The following RERE variants were observed in gnomAD, a reference collection of about 807,000 sequenced individuals.
The protein encoded by RERE is arginine-glutamic acid dipeptide repeats protein.
RERE carries 40 observed loss-of-function variants against 146.1 expected under a neutral mutation model. The ratio of observed to expected loss-of-function variants is 0.27; its 90% CI spans 0.21 to 0.36. The LOEUF (loss-of-function observed/expected upper bound fraction) is 0.36. RERE is among the 10% of genes least tolerant of loss of function. RERE has a pLI of 1.00. For synonymous variants in RERE, 1,003 were observed against 866.0 expected, an observed-to-expected ratio of 1.16 and a Z score of -2.78; for missense variants, 1,933 against 2,138.7, an observed-to-expected ratio of 0.90 and a Z score of 1.90.
At chr1:8,744,404 T>A (rs1449130208) in intron 1 of RERE, among the ~76,000 whole-genome samples, 5 of 152,250 alleles carry the variant, frequency 3.3e-5, no homozygotes, top group Non-Finnish European at 5.9e-5. Context: ...GAATTCCGTT[T>A]CACCTTTGTT....
In RERE at chr1:8,689,105, G is replaced by C. The variant is rs1367270939; in HGVS notation, c.-144-32664C>G. Among the ~76,000 whole-genome samples the C allele has an allele frequency of 3.3e-5, 5 of 150,812 alleles. No homozygotes were observed. The South Asian group carries it at 1.0e-3, about 31-fold the overall frequency. The stretch of plus-strand genomic sequence containing the variant: ...AAATAGTTTTATCAAGTAAAAATTT[G>C]ATTTTTTTTTTAGTTTCTTTGTTGA... On this transcript the variant is annotated intron_variant, in intron 1 of 22. Transcript: ENST00000400908.
At chr1:8,564,065 C>T (rs1019511988) in intron 4 of RERE, among the ~76,000 whole-genome samples, 2 of 152,230 alleles carry the variant, frequency 1.3e-5, no homozygotes, top group Non-Finnish European at 2.9e-5. Context: ...CCCACCTCCA[C>T]TTACAGGACA....
chr1:8,518,741 G>C (rs771323389), intron 7 of RERE, among the ~76,000 whole-genome samples: 16 of 152,176 alleles, frequency 1.1e-4, no homozygotes, highest in Admixed American at 2.0e-4. Context: ...CCCTGAACAA[G>C]TCTGAAATTT....
intron 4 of RERE, among the ~76,000 whole-genome samples, chr1:8,582,869 T>G (rs1337412825): frequency 6.6e-6 from 1 of 152,178 alleles, no homozygotes; most frequent in Admixed American, 6.5e-5. Flanking sequence ...TGATTTAAGA[T>G]GATAGGACCA....
intron 7 of RERE, among the ~76,000 whole-genome samples, chr1:8,531,007 T>TTCTATCTATCTATCTATCTATCTA (rs199738689): frequency 1.4e-5 from 2 of 140,352 alleles, no homozygotes; most frequent in Admixed American, 7.2e-5. Context: ...GAACTGAGTT[T>TTCTATCTATCTATCTATCTATCTA]TCTATCTATC....
In RERE at chr1:8,470,057, C is replaced by T. The variant is rs1476961358; in HGVS notation, c.1105-4034G>A. Among the ~76,000 whole-genome samples, 5 of 152,148 alleles carry T rather than the reference C, an allele frequency of 3.3e-5. 1 individual carries two copies. The South Asian group carries it at 1.0e-3, about 32-fold the overall frequency. Reference sequence around the variant, plus strand: ...CTCGAGCTTCCTTCCCTACTCTGTTCTCTATATAATGGCGGATTCTCTCCT... The same window carrying T: ...CTCGAGCTTCCTTCCCTACTCTGTTTTCTATATAATGGCGGATTCTCTCCT... On this transcript the variant is annotated intron_variant, in intron 10 of 22. Coordinates refer to ENST00000400908, the MANE Select transcript of RERE (RefSeq NM_001042681.2).
chr1:8,513,534 TC>T (rs1245607528), intron 7 of RERE, among the ~76,000 whole-genome samples: 29 of 152,264 alleles, frequency 1.9e-4, no homozygotes, highest in African/African-American at 6.7e-4. Context: ...TTCCCGGCAC[TC>T]TGGGGGGCCG....
chr1:8,455,731 G>A (rs533362078), intron 11 of RERE, among the ~76,000 whole-genome samples: 12 of 152,292 alleles, frequency 7.9e-5, no homozygotes, highest in African/African-American at 2.9e-4. Flanking sequence ...TGCTCCAGGT[G>A]CTGGGCCAGG....
intron 7 of RERE, among the ~76,000 whole-genome samples, chr1:8,527,707 T>C (rs1421192496): frequency 1.3e-5 from 2 of 152,148 alleles, no homozygotes; most frequent in Admixed American, 1.3e-4. Context: ...GTGGATATCC[T>C]CTTCATTGTC....
At chr1:8,480,122 TTTTTTG>T (rs200601993) in intron 10 of RERE, among the ~76,000 whole-genome samples, 1,474 of 49,144 alleles carry the variant, frequency 0.03, 17 homozygotes, top group African/African-American at 0.13. Flanking sequence ...ATTAAAGCCT[TTTTTTG>T]TTTTTTTTTT....
chr1:8,500,329 A>C (rs1645113672), intron 8 of RERE, among the ~76,000 whole-genome samples: 1 of 152,186 alleles, frequency 6.6e-6, no homozygotes, highest in African/African-American at 2.4e-5. Context: ...AATGGACTAG[A>C]AATATAATTA....
At chr1:8,592,544 T>C (rs1032768624) in intron 4 of RERE, among the ~76,000 whole-genome samples, 2 of 151,932 alleles carry the variant, frequency 1.3e-5, no homozygotes, top group African/African-American at 4.8e-5. Context: ...AGTGCTGGGA[T>C]TACAGGCATG....
chr1:8,802,013 G>A (rs1192110937), intron 1 of RERE, among the ~76,000 whole-genome samples: 2 of 152,170 alleles, frequency 1.3e-5, no homozygotes, highest in Admixed American at 6.5e-5. Context: ...TCTATAGTAT[G>A]CTTATATATG....
chr1:8,729,217 A>ATTTTTTTTTTTTT (rs1173630956), intron 1 of RERE, among the ~76,000 whole-genome samples: 5 of 100,420 alleles, frequency 5.0e-5, no homozygotes, highest in Non-Finnish European at 5.8e-5. Context: ...AGCTACACCG[A>ATTTTTTTTTTTTT]TTTTTTTTTT....
At chr1:8,770,478 GCA>G (rs937365281) in intron 1 of RERE, among the ~76,000 whole-genome samples, 5 of 152,150 alleles carry the variant, frequency 3.3e-5, no homozygotes, top group Non-Finnish European at 7.4e-5. Flanking sequence ...CTGATTGAGA[GCA>G]CAGTCTCGAG....
At chr1:8,815,861 G>GTGTGTGTA (rs948203300) in intron 1 of RERE, among the ~76,000 whole-genome samples, 1 of 151,666 alleles carries the variant, frequency 6.6e-6, no homozygotes, top group South Asian at 2.1e-4. Flanking sequence ...GTGTGTGTGT[G>GTGTGTGTA]TATATGTGTG....
chr1:8,757,889 T>A (rs1308466471), intron 1 of RERE, among the ~76,000 whole-genome samples: 1 of 125,870 alleles, frequency 7.9e-6, no homozygotes, highest in East Asian at 2.4e-4. Flanking sequence ...CATACATATG[T>A]ATACACACAC....
chr1:8,745,640 A>G (rs966836574), intron 1 of RERE, among the ~76,000 whole-genome samples: 1 of 152,174 alleles, frequency 6.6e-6, no homozygotes, highest in African/African-American at 2.4e-5. Flanking sequence ...AATGAAGTCT[A>G]AACTCCTTAA....
intron 1 of RERE, among the ~76,000 whole-genome samples, chr1:8,728,403 G>A (rs539258261): frequency 2.6e-4 from 40 of 151,448 alleles, no homozygotes; most frequent in African/African-American, 9.0e-4. Flanking sequence ...AGCTGTTATA[G>A]TAACTATAGA....
Sources: allele counts gnomAD v4.1 joint callset (sites outside exome capture counted in the v4.1 genomes callset), GRCh38; gene constraint gnomAD v4.1.1; transcripts MANE v1.5; gene names NCBI Gene and HGNC (gene_info 2026-07-23, HGNC 2026-07-21).